The following INVS variants were observed in gnomAD, a reference collection of about 807,000 sequenced individuals.
INVS encodes the protein inversion of embryo turning homolog.
A neutral mutation model predicts 108.8 loss-of-function variants in INVS; 86 were observed. The ratio of observed to expected loss-of-function variants is 0.79; its 90% CI spans 0.66 to 0.95. The LOEUF is 0.95. INVS is among the 40% of genes least tolerant of loss of function. The pLI is 0.00. For synonymous variants in INVS, 455 were observed against 473.5 expected, an observed-to-expected ratio of 0.96 and a Z score of 0.51; for missense variants, 1,169 against 1,297.4, an observed-to-expected ratio of 0.90 and a Z score of 1.52.
At chr9:100,107,968 C>A (rs1827229877) in intron 2 of INVS, among the ~76,000 whole-genome samples, 1 of 151,732 alleles carries the variant, frequency 6.6e-6, no homozygotes. Context: ...ATCTTGAGGG[C>A]CAGGACTAAA....
intron 3 of INVS, among the ~76,000 whole-genome samples, chr9:100,183,420 G>T (rs1829955462): frequency 6.6e-6 from 1 of 152,074 alleles, no homozygotes; most frequent in Non-Finnish European, 1.5e-5. Flanking sequence ...TTCTGTATCT[G>T]GTAAAACTAT....
intron 3 of INVS, among the ~76,000 whole-genome samples, chr9:100,168,789 A>G (rs2119033214): frequency 6.6e-6 from 1 of 152,308 alleles, no homozygotes; most frequent in Non-Finnish European, 1.5e-5. Flanking sequence ...TTCCTTTTAA[A>G]CTTAATTAAA....
At chr9:100,197,327 C>G (rs953897120) in intron 3 of INVS, among the ~76,000 whole-genome samples, 1 of 152,166 alleles carries the variant, frequency 6.6e-6, no homozygotes, top group African/African-American at 2.4e-5. Context: ...AATCCCAGCA[C>G]TTTGGGAGGT....
At chr9:100,106,057 C>T (rs1827169754) in intron 2 of INVS, among the ~76,000 whole-genome samples, 1 of 151,982 alleles carries the variant, frequency 6.6e-6, no homozygotes, top group Non-Finnish European at 1.5e-5. Context: ...TGTTTCATAC[C>T]TCTCACTCTA....
chr9:100,143,824 AG>A (rs890507933), intron 3 of INVS, among the ~76,000 whole-genome samples: 1 of 152,164 alleles, frequency 6.6e-6, no homozygotes, highest in Non-Finnish European at 1.5e-5. Flanking sequence ...CTTGAAAAGA[AG>A]GTAATGTGGA....
intron 3 of INVS, among the ~76,000 whole-genome samples, chr9:100,159,284 AT>A (rs768139711): frequency 3.3e-5 from 5 of 152,198 alleles, no homozygotes; most frequent in Non-Finnish European, 7.3e-5. Context: ...AGGAGAGAGA[AT>A]TTGAACTAGA....
At chr9:100,102,467 A>G (rs900029180) in intron 1 of INVS, 1 of 152,190 alleles carries the variant, frequency 6.6e-6, no homozygotes, top group African/African-American at 2.4e-5. Flanking sequence ...ATCTAGGTAT[A>G]TTTTCCTGGT....
chr9:100,127,100 G>T (rs772057446), intron 3 of INVS, among the ~76,000 whole-genome samples: 4 of 152,080 alleles, frequency 2.6e-5, no homozygotes, highest in Admixed American at 6.5e-5. Context: ...TGGGGCTCAG[G>T]TGGGAGGATC....
intron 3 of INVS, among the ~76,000 whole-genome samples, chr9:100,199,889 A>T (rs1178427840): frequency 6.6e-6 from 1 of 152,156 alleles, no homozygotes; most frequent in African/African-American, 2.4e-5. Context: ...AAATACTGTT[A>T]TCTGTTCCAT....
At chr9:100,220,158 A>C (rs750330767) in intron 3 of INVS, among the ~76,000 whole-genome samples, 6 of 152,192 alleles carry the variant, frequency 3.9e-5, no homozygotes, top group Non-Finnish European at 8.8e-5. Flanking sequence ...GTTCATCTTA[A>C]GAGAACTGGA....
At chr9:100,296,885 T>C in intron 14 of INVS, 32 bp from the exon 15 acceptor site, 3 of 1,561,804 alleles carry the variant, frequency 1.9e-6, no homozygotes, top group Non-Finnish European at 2.6e-6. Context: ...TACTGTGATC[T>C]TAAAGCCTCT....
chr9:100,274,029 G>A (rs901571873), intron 12 of INVS, among the ~76,000 whole-genome samples: 1 of 152,208 alleles, frequency 6.6e-6, no homozygotes, highest in East Asian at 1.9e-4. Context: ...ATAGCTGTCT[G>A]TGCCTCTTGC....
intron 16 of INVS, chr9:100,298,398 A>G: frequency 1.2e-6 from 1 of 852,894 alleles, no homozygotes; most frequent in South Asian, 5.4e-5. Flanking sequence ...CACCATGAAG[A>G]GAACACTGAG....
At chr9:100,273,216 C>T (rs1259117705) in intron 12 of INVS, 140 bp downstream of exon 12, 1 of 725,946 alleles carries the variant, frequency 1.4e-6, no homozygotes, top group Admixed American at 2.0e-5. Flanking sequence ...CGGTCATCTT[C>T]CCTCTTCTCA....
At chr9:100,255,232 T>G (rs1482865590) in intron 10 of INVS, among the ~76,000 whole-genome samples, 1 of 151,970 alleles carries the variant, frequency 6.6e-6, no homozygotes, top group African/African-American at 2.4e-5. Flanking sequence ...TGTTGGCATA[T>G]AGGAATGCTT....
intron 13 of INVS, among the ~76,000 whole-genome samples, chr9:100,285,643 G>A (rs1054156254): frequency 6.6e-6 from 1 of 152,196 alleles, no homozygotes; most frequent in African/African-American, 2.4e-5. Flanking sequence ...AGCTTCCAAC[G>A]GCTCTCTCCC....
At chr9:100,200,342 C>A (rs191120232) in intron 3 of INVS, among the ~76,000 whole-genome samples, 2 of 152,174 alleles carry the variant, frequency 1.3e-5, no homozygotes, top group African/African-American at 4.8e-5. Context: ...TGTTTGTTTG[C>A]ATATGGAGTA....
intron 3 of INVS, among the ~76,000 whole-genome samples, chr9:100,141,825 G>A (rs138920174): frequency 0.013 from 1,926 of 152,288 alleles, 18 homozygotes; most frequent in Non-Finnish European, 0.018. Flanking sequence ...TCTAAGAGAC[G>A]GGCTAGCGGC....
At chr9:100,242,430 T>C in intron 6 of INVS, 140 bp from the exon 7 acceptor site, 1 of 618,278 alleles carries the variant, frequency 1.6e-6, no homozygotes, top group Non-Finnish European at 3.0e-6. Context: ...TAGAAGAGGC[T>C]GCATTGGGGG....
Sources: gnomAD v4.1 joint callset for allele counts (sites outside exome capture counted in the v4.1 genomes callset) on GRCh38, gnomAD v4.1.1 for gene constraint, MANE v1.5 for transcripts, NCBI Gene and HGNC (gene_info 2026-07-23, HGNC 2026-07-21) for gene names.